Variants in MTNR1A observed in about 807,000 individuals in gnomAD.
MTNR1A encodes melatonin receptor type 1A.
In MTNR1A, 7 loss-of-function variants were observed where a neutral mutation model predicts 5.5. The observed-to-expected ratio is 1.28, with a 90% CI of 0.73 to 2.40. The LOEUF is 2.40. Ranked by LOEUF, MTNR1A falls within the 30% of genes most tolerant of loss-of-function variation. MTNR1A has a pLI of 0.00. For synonymous variants in MTNR1A, 196 were observed against 202.7 expected, an observed-to-expected ratio of 0.97 and a Z score of 0.28; for missense variants, 441 against 464.4, an observed-to-expected ratio of 0.95 and a Z score of 0.46.
intron 1 of MTNR1A, among the ~76,000 whole-genome samples, chr4:186,547,314 A>G (rs529037898): frequency 3.9e-5 from 5 of 128,282 alleles, no homozygotes; most frequent in African/African-American, 1.6e-4. Context: ...CACCGTCCAC[A>G]CCACACCCTG....
At position 186,534,438 on chromosome 4, in the gene MTNR1A, C is replaced by G; in HGVS notation, c.304G>C (p.Val102Leu). 6.2e-7 allele frequency: 1 copy of G among 1,614,158 alleles called. No homozygotes were observed. Among genetic ancestry groups the G allele is most frequent in the Non-Finnish European group, 8.5e-7 (1 of 1,180,038 alleles). ...GWNLGYLHCQVSGFLMGLSVI... is the reference protein window; with the variant it reads ...GWNLGYLHCQLSGFLMGLSVI... Reference sequence around the variant, plus strand: ...CTCAGGCCCATCAGGAACCCACTGACTTGGCAGTGCAGATAGCCCAGGTTC... The same window carrying G: ...CTCAGGCCCATCAGGAACCCACTGAGTTGGCAGTGCAGATAGCCCAGGTTC... Residue 102 changes from valine to leucine, a missense_variant, in exon 2 of 2, where the codon GTC (valine) becomes CTC (leucine). Coordinates refer to ENST00000307161, the MANE Select transcript of MTNR1A (RefSeq NM_005958.4).
Position 186,548,742 on chromosome 4 carries a change from C to T in MTNR1A, c.184+6440G>A, listed in dbSNP as rs565839806. ...CCAGAGGCCATGTGTTTCAGAGGGACACATCCCAAAAAAAATGACCTATAA... is the reference window on the plus strand; with the variant it reads ...CCAGAGGCCATGTGTTTCAGAGGGATACATCCCAAAAAAAATGACCTATAA... On this transcript the variant is annotated intron_variant, in intron 1 of 1. Coordinates refer to ENST00000307161, the MANE Select transcript of MTNR1A (RefSeq NM_005958.4). Among the ~76,000 whole-genome samples the T allele has an allele frequency of 8.1e-4, 119 of 147,196 alleles. 1 individual carries two copies. In the South Asian group the frequency reaches 0.018, roughly 23 times the overall value.
intron 1 of MTNR1A, among the ~76,000 whole-genome samples, chr4:186,544,074 T>C (rs1737084675): frequency 6.6e-6 from 1 of 152,176 alleles, no homozygotes; most frequent in Non-Finnish European, 1.5e-5. Context: ...AGTGGTGTTA[T>C]CTTGGCTCCC....
chr4:186,536,012 G>A (rs1736840713), intron 1 of MTNR1A, among the ~76,000 whole-genome samples: 1 of 152,132 alleles, frequency 6.6e-6, no homozygotes, highest in Admixed American at 6.5e-5. Context: ...ATTTGGTGCA[G>A]GGGGAAACAG....
At chr4:186,540,801 T>TCTGA (rs1291462599) in intron 1 of MTNR1A, among the ~76,000 whole-genome samples, 11 of 122,516 alleles carry the variant, frequency 9.0e-5, no homozygotes, top group Admixed American at 1.7e-4. Context: ...CCAGGTGCTG[T>TCTGA]CTGACTGAAG....
intron 1 of MTNR1A, among the ~76,000 whole-genome samples, chr4:186,552,119 A>G (rs1386407497): frequency 6.6e-6 from 1 of 152,188 alleles, no homozygotes; most frequent in Non-Finnish European, 1.5e-5. Flanking sequence ...GTGAATGGTG[A>G]GCAGGGCTGT....
intron 1 of MTNR1A, among the ~76,000 whole-genome samples, chr4:186,551,402 ATTGTCT>A (rs2126306684): frequency 6.6e-6 from 1 of 151,948 alleles, no homozygotes; most frequent in South Asian, 2.1e-4. Flanking sequence ...TCCAGTTCAT[ATTGTCT>A]ACTTGTTTTT....
At chr4:186,548,749 CA>C (rs1245156602) in intron 1 of MTNR1A, among the ~76,000 whole-genome samples, 5 of 139,830 alleles carry the variant, frequency 3.6e-5, no homozygotes, top group South Asian at 2.3e-4. Flanking sequence ...GGACACATCC[CA>C]AAAAAAATGA....
At chr4:186,541,777 C>T (rs1484886346) in intron 1 of MTNR1A, among the ~76,000 whole-genome samples, 1 of 152,188 alleles carries the variant, frequency 6.6e-6, no homozygotes, top group Non-Finnish European at 1.5e-5. Flanking sequence ...CATCCCGAAA[C>T]CATTCCCCCA....
At chr4:186,544,439 A>C (rs1425192090) in intron 1 of MTNR1A, among the ~76,000 whole-genome samples, 1 of 152,204 alleles carries the variant, frequency 6.6e-6, no homozygotes, top group Non-Finnish European at 1.5e-5. Flanking sequence ...ACCTTTTATC[A>C]GTCATTTCTG....
At chr4:186,537,615 CT>C (rs973184346) in intron 1 of MTNR1A, among the ~76,000 whole-genome samples, 1 of 152,182 alleles carries the variant, frequency 6.6e-6, no homozygotes, top group Non-Finnish European at 1.5e-5. Flanking sequence ...ATAATTCCTA[CT>C]TTTTAAAGAT....
intron 1 of MTNR1A, among the ~76,000 whole-genome samples, chr4:186,551,252 T>C (rs1281090856): frequency 6.6e-6 from 1 of 152,192 alleles, no homozygotes; most frequent in Non-Finnish European, 1.5e-5. Flanking sequence ...AGTCTTTAAA[T>C]CTCAGGCCTT....
At chr4:186,553,433 A>T (rs73026803) in intron 1 of MTNR1A, among the ~76,000 whole-genome samples, 1,840 of 152,374 alleles carry the variant, frequency 0.012, 36 homozygotes, top group African/African-American at 0.041. Flanking sequence ...ATACAAAGTG[A>T]GTGTAAGGAG....
chr4:186,541,558 G>A lies in MTNR1A; in HGVS notation c.185-7001C>T, dbSNP rs976423460. Among the ~76,000 whole-genome samples the A allele has an allele frequency of 3.9e-5, 6 of 152,158 alleles. No individual in the cohort carries two copies. In the South Asian group the frequency reaches 8.3e-4, roughly 21 times the overall value. ...TGACCATTAGCCACAGACTGGGTCC[G>A]TGACCTGTTAGGAACCAGGCTGCAC... On this transcript the variant is annotated intron_variant, in intron 1 of 1. Coordinates refer to ENST00000307161, the MANE Select transcript of MTNR1A (RefSeq NM_005958.4).
Position 186,555,018 on chromosome 4 carries a change from G to A in MTNR1A, c.184+164C>T, listed in dbSNP as rs955283832. Among the ~76,000 whole-genome samples the A allele has an allele frequency of 9.2e-5, 14 of 152,194 alleles. No homozygotes were observed. Among genetic ancestry groups the A allele is most frequent in the Admixed American group, 7.9e-4 (12 of 15,276 alleles). ...CTGTGACTCCGCGCCTTATGAAAAG[G>A]CACTTTCAACGGGCAGGCTGGAGAA... On this transcript the variant is annotated intron_variant, in intron 1 of 1. Transcript: ENST00000307161. The surrounding 1 kb of genome is among the most constrained non-coding windows in gnomAD (Gnocchi z 4.1).
At chr4:186,541,863 T>C (rs1737032855) in intron 1 of MTNR1A, among the ~76,000 whole-genome samples, 1 of 152,174 alleles carries the variant, frequency 6.6e-6, no homozygotes, top group Admixed American at 6.5e-5. Flanking sequence ...CTGAGCTAGA[T>C]GGGCAACGAT....
In MTNR1A at chr4:186,534,101, ACCAGGAT is replaced by A. The variant is rs1301546815; in HGVS notation, c.634_640del (p.Ile212PhefsTer8). On this transcript the variant is annotated frameshift_variant, in exon 2 of 2. Transcript: ENST00000307161. LOFTEE classifies it low-confidence loss of function (END_TRUNC). The stretch of plus-strand genomic sequence containing the variant: ...TTTCACCCTCTGTCTGACCTGGAGA[ACCAGGAT>A]CCATATTCTCAGGTAACAGAAGATG... 6.2e-7 allele frequency: 1 copy of A among 1,614,146 alleles called. No homozygotes were observed. The highest frequency in any genetic ancestry group is 1.1e-5 in the South Asian group (1 of 91,076).
At chr4:186,545,991 G>C (rs1737129209) in intron 1 of MTNR1A, among the ~76,000 whole-genome samples, 1 of 152,164 alleles carries the variant, frequency 6.6e-6, no homozygotes, top group Non-Finnish European at 1.5e-5. Flanking sequence ...ACTAGAGGCA[G>C]TGTGCACCAT....
chr4:186,534,561 A>T lies in MTNR1A; in HGVS notation c.185-4T>A. ...AAGCTCACCACAAAGATGTTTCCTG[A>T]AAGAGAATCGTTTAGAAAATACAGT... On this transcript the variant is annotated splice_region_variant and splice_polypyrimidine_tract_variant and intron_variant, in intron 1 of 1. Transcript: ENST00000307161. 1 of 1,610,090 alleles carries T rather than the reference A, an allele frequency of 6.2e-7. No homozygotes were observed. The highest frequency in any genetic ancestry group is 8.5e-7 in the Non-Finnish European group (1 of 1,180,000).
Sources: allele counts gnomAD v4.1 joint callset (sites outside exome capture counted in the v4.1 genomes callset), GRCh38; gene constraint gnomAD v4.1.1; non-coding constraint Gnocchi (gnomAD v3.1); transcripts MANE v1.5; gene names NCBI Gene and HGNC (gene_info 2026-07-23, HGNC 2026-07-21).